The following CA6 variants were observed in gnomAD, a reference collection of about 807,000 sequenced individuals.
CA6 encodes carbonate dehydratase VI.
CA6 carries 28 observed loss-of-function variants against 35.9 expected under a neutral mutation model. That is an observed-to-expected ratio of 0.78 (90% CI 0.58 to 1.07). The LOEUF (loss-of-function observed/expected upper bound fraction) is 1.07, where lower values mean the gene tolerates loss of function less well. CA6 is among the 50% of genes least tolerant of loss of function. The pLI, the probability that CA6 is intolerant of heterozygous loss-of-function variation, is 0.00. For synonymous variants in CA6, 148 were observed against 152.6 expected, an observed-to-expected ratio of 0.97 and a Z score of 0.22; for missense variants, 377 against 382.0, an observed-to-expected ratio of 0.99 and a Z score of 0.11.
At position 8,970,890 on chromosome 1, in the gene CA6, A is replaced by G. The variant is rs1279912464; in HGVS notation, c.753A>G (p.Leu251=). Residue 251 remains leucine (L), a synonymous_variant, in exon 7 of 8, where the codon TTA becomes TTG. Transcript: ENST00000377443. The stretch of plus-strand genomic sequence containing the variant: ...AGGTTTGGAAGCTGGAGAATTCCTT[A>G]CTGGATCACCGCAACAAGACCATCC... The part of the protein sequence containing the change: ...RTQVWKLENS[L]LDHRNKTIHN... The G allele has an allele frequency of 3.1e-6, 5 of 1,613,370 alleles. No individual in the cohort carries two copies. The highest frequency in any genetic ancestry group is 4.2e-6 in the Non-Finnish European group (5 of 1,179,444).
chr1:8,967,806 C>G lies in CA6; in HGVS notation c.719C>G (p.Ser240Cys), dbSNP rs1044799793. 5 of 1,613,970 alleles carry G rather than the reference C, an allele frequency of 3.1e-6. No homozygotes were observed. Among genetic ancestry groups the G allele is most frequent in the Non-Finnish European group, 4.2e-6 (5 of 1,179,936 alleles). ...WFVLADFVKLSRTQVWKLENS... is the reference protein window; with the variant it reads ...WFVLADFVKLCRTQVWKLENS... ...GTGCTGGCAGATTTTGTCAAGCTCTCCAGGACACAGGTAATGTATGGTATC... is the reference window on the plus strand; with the variant it reads ...GTGCTGGCAGATTTTGTCAAGCTCTGCAGGACACAGGTAATGTATGGTATC... The change falls in exon 6 of 8, where the codon TCC (serine) becomes TGC (cysteine). Residue 240 changes from serine to cysteine, a missense_variant. By Grantham distance (112) the Ser-to-Cys change is moderately radical. Transcript: ENST00000377443.
At chr1:8,968,490 CA>C (rs1428232900) in intron 6 of CA6, among the ~76,000 whole-genome samples, 4 of 151,590 alleles carry the variant, frequency 2.6e-5, no homozygotes, top group African/African-American at 9.7e-5. Flanking sequence ...AAAAAAAATA[CA>C]AAACATATGA....
intron 2 of CA6, among the ~76,000 whole-genome samples, chr1:8,953,869 C>G (rs2124248609): frequency 6.6e-6 from 1 of 152,232 alleles, no homozygotes; most frequent in African/African-American, 2.4e-5. Flanking sequence ...GCACAAGATA[C>G]AGGTCATAAA....
chr1:8,961,084 A>G (rs1639831479), intron 4 of CA6, among the ~76,000 whole-genome samples: 1 of 152,186 alleles, frequency 6.6e-6, no homozygotes, highest in African/African-American at 2.4e-5. Flanking sequence ...CTGTCAATCA[A>G]GAATTCTATA....
At chr1:8,955,020 T>TAAC (rs147946957) in intron 2 of CA6, among the ~76,000 whole-genome samples, 19,728 of 151,906 alleles carry the variant, frequency 0.13, 1,325 homozygotes, top group East Asian at 0.18. Context: ...TGCAGACTAG[T>TAAC]AACAGTTGGT....
intron 2 of CA6, among the ~76,000 whole-genome samples, chr1:8,954,622 T>C (rs1639626997): frequency 6.6e-6 from 1 of 152,228 alleles, no homozygotes; most frequent in Admixed American, 6.5e-5. Flanking sequence ...GACATTGAGA[T>C]AGTATTAAGT....
At chr1:8,972,349 C>A (rs1053024293) in intron 7 of CA6, among the ~76,000 whole-genome samples, 1 of 152,102 alleles carries the variant, frequency 6.6e-6, no homozygotes, top group African/African-American at 2.4e-5. Context: ...CCTCGTTCGG[C>A]CTTATCCCAT....
At chr1:8,953,755 G>A (rs1639602631) in intron 2 of CA6, among the ~76,000 whole-genome samples, 2 of 152,190 alleles carry the variant, frequency 1.3e-5, no homozygotes, top group Non-Finnish European at 2.9e-5. Context: ...GAACCAGAGT[G>A]ACCCCATCTT....
intron 2 of CA6, among the ~76,000 whole-genome samples, chr1:8,952,978 C>A (rs561606985): frequency 6.6e-6 from 1 of 152,294 alleles, no homozygotes; most frequent in African/African-American, 2.4e-5. Context: ...GGTTTCTAAT[C>A]ACATGTATCG....
intron 6 of CA6, among the ~76,000 whole-genome samples, chr1:8,969,067 G>A (rs568779605): frequency 6.7e-6 from 1 of 149,658 alleles, no homozygotes; most frequent in African/African-American, 2.5e-5. Context: ...TGTAATCCCA[G>A]CACTTTGGGA....
chr1:8,948,985 A>C (rs1639444621), intron 1 of CA6, among the ~76,000 whole-genome samples: 1 of 145,616 alleles, frequency 6.9e-6, no homozygotes, highest in South Asian at 2.2e-4. Context: ...AAAAAAAAAA[A>C]GACTTCCATT....
At chr1:8,960,749 C>T (rs1384415896) in intron 4 of CA6, among the ~76,000 whole-genome samples, 1 of 92,346 alleles carries the variant, frequency 1.1e-5, no homozygotes, top group East Asian at 3.0e-4. Context: ...TAGCAACACA[C>T]ACACACACAC....
At chr1:8,949,777 C>T (rs563180133) in intron 2 of CA6, among the ~76,000 whole-genome samples, 1 of 152,238 alleles carries the variant, frequency 6.6e-6, no homozygotes, top group East Asian at 1.9e-4. Flanking sequence ...GCTTTCTGTC[C>T]ATCACCTTGG....
intron 4 of CA6, among the ~76,000 whole-genome samples, chr1:8,961,225 T>A (rs1341827403): frequency 6.6e-6 from 1 of 152,174 alleles, no homozygotes; most frequent in Admixed American, 6.5e-5. Context: ...AAGAAAATAA[T>A]ACCAGACGGT....
chr1:8,962,236 T>TC (rs201328498), intron 4 of CA6, among the ~76,000 whole-genome samples: 75 of 139,862 alleles, frequency 5.4e-4, no homozygotes, highest in African/African-American at 2.1e-3. Context: ...AGCAAGACTC[T>TC]TAAAAAAAAA....
Position 8,968,934 on chromosome 1 carries a change from C to T in CA6, c.729+1118C>T, listed in dbSNP as rs111329275. On this transcript the variant is annotated intron_variant, in intron 6 of 7. Transcript: ENST00000377443. ...CCCAGAGGCTGAGGTGGAAGAATCA[C>T]TTGAACCTGGGACGTGGAGGTTGCA... Among the ~76,000 whole-genome samples, 1,243 of 151,980 alleles carry T rather than the reference C, an allele frequency of 8.2e-3. 14 individuals carry two copies. The highest frequency in any genetic ancestry group is 0.028 in the African/African-American group (1,178 of 41,416).
intron 4 of CA6, among the ~76,000 whole-genome samples, chr1:8,961,927 T>G (rs1205400178): frequency 6.6e-6 from 1 of 152,144 alleles, no homozygotes; most frequent in Non-Finnish European, 1.5e-5. Context: ...AGAATCTGAC[T>G]GTGGCTGACA....
intron 5 of CA6, among the ~76,000 whole-genome samples, chr1:8,962,954 C>T (rs1167545222): frequency 4.1e-4 from 62 of 152,178 alleles, no homozygotes; most frequent in Admixed American, 3.9e-3. Flanking sequence ...ACTGTCACCT[C>T]AGCTGGCAGT....
chr1:8,957,785 C>CAA (rs869085886), intron 3 of CA6, among the ~76,000 whole-genome samples: 3,019 of 79,148 alleles, frequency 0.038, 170 homozygotes, highest in African/African-American at 0.12. Flanking sequence ...CTTGTGTCTA[C>CAA]AAAAAAAAAA....
Sources: gnomAD v4.1 joint callset for allele counts (sites outside exome capture counted in the v4.1 genomes callset) on GRCh38, gnomAD v4.1.1 for gene constraint, MANE v1.5 for transcripts, NCBI Gene and HGNC (gene_info 2026-07-23, HGNC 2026-07-21) for gene names.